The following GPC6 variants were observed in gnomAD, a reference collection of about 807,000 sequenced individuals.
GPC6 encodes glypican 6.
Under a neutral mutation model 55.2 loss-of-function variants are expected in GPC6, and 14 were observed. The observed-to-expected ratio is 0.25, with a 90% CI of 0.17 to 0.40. The LOEUF (loss-of-function observed/expected upper bound fraction) is 0.40, where lower values mean the gene tolerates loss of function less well. Ranked by LOEUF, GPC6 falls within the 10% of genes least tolerant of loss-of-function variation. The probability of loss-of-function intolerance (pLI) is 1.00; values close to 1 mark genes in which losing one functional copy is unlikely to be tolerated. For missense variants in GPC6, 641 were observed against 708.5 expected, an observed-to-expected ratio of 0.90 and a Z score of 1.08; for synonymous variants, 278 against 259.6, an observed-to-expected ratio of 1.07 and a Z score of -0.68.
intron 1 of GPC6, among the ~76,000 whole-genome samples, chr13:93,479,866 C>T (rs1473530236): frequency 6.6e-6 from 1 of 152,104 alleles, no homozygotes; most frequent in Non-Finnish European, 1.5e-5. Context: ...ATTTATTTCT[C>T]ATGGAGAGTG....
At chr13:93,923,948 A>T (rs1384938544) in intron 3 of GPC6, among the ~76,000 whole-genome samples, 1 of 152,140 alleles carries the variant, frequency 6.6e-6, no homozygotes, top group Non-Finnish European at 1.5e-5. Context: ...CTTCAAATCC[A>T]CATCCTTGGA....
In GPC6 at chr13:94,360,908, A is replaced by ACTT. The variant is rs1282233516; in HGVS notation, c.1153-21504_1153-21502dup. ...TGTGCTATGTGATCAAGGCCAAGAG[A>ACTT]CTTCACTCTTCACTGCCTCAGTGTG... On this transcript the variant is annotated intron_variant, in intron 6 of 8. Transcript: ENST00000377047. 2.6e-4 allele frequency among the ~76,000 whole-genome samples: 40 copies of ACTT among 152,278 alleles called. No individual in the cohort carries two copies. The East Asian group carries it at 7.7e-3, about 29-fold the overall frequency.
At chr13:93,451,699 G>C (rs1163307132) in intron 1 of GPC6, among the ~76,000 whole-genome samples, 1 of 152,110 alleles carries the variant, frequency 6.6e-6, no homozygotes. Context: ...CTTACTAAAT[G>C]ATTGTCTCAT....
chr13:94,076,949 C>G (rs1376258350), intron 4 of GPC6, among the ~76,000 whole-genome samples: 5 of 130,240 alleles, frequency 3.8e-5, no homozygotes, highest in African/African-American at 1.2e-4. Flanking sequence ...CAAGATCACT[C>G]TGGTGCTTCT....
intron 1 of GPC6, among the ~76,000 whole-genome samples, chr13:93,446,963 TG>T (rs998269280): frequency 7.2e-5 from 11 of 151,746 alleles, no homozygotes; most frequent in Non-Finnish European, 1.5e-4. Context: ...CTAATTTTTT[TG>T]GGGGGGTGGG....
At chr13:93,512,972 A>G (rs1162519846) in intron 1 of GPC6, among the ~76,000 whole-genome samples, 2 of 152,224 alleles carry the variant, frequency 1.3e-5, no homozygotes, top group African/African-American at 4.8e-5. Context: ...CAAGGTGTCC[A>G]TTTAACTTGA....
chr13:93,700,924 A>C (rs1373163386), intron 2 of GPC6, among the ~76,000 whole-genome samples: 3 of 152,114 alleles, frequency 2.0e-5, no homozygotes, highest in Non-Finnish European at 4.4e-5. Context: ...CAATTACAAC[A>C]CAGGAATATT....
At chr13:93,729,490 T>C (rs1883751876) in intron 2 of GPC6, among the ~76,000 whole-genome samples, 1 of 152,116 alleles carries the variant, frequency 6.6e-6, no homozygotes, top group Admixed American at 6.5e-5. Flanking sequence ...ACCTCAGTAA[T>C]TGCACCACTG....
At position 93,376,379 on chromosome 13, in the gene GPC6, A is replaced by G. The variant is rs184661142; in HGVS notation, c.160+148763A>G. Among the ~76,000 whole-genome samples the G allele has an allele frequency of 3.8e-3, 577 of 152,334 alleles. 12 individuals are homozygous for G. Among genetic ancestry groups the G allele is most frequent in the Admixed American group, 0.036 (555 of 15,298 alleles). On this transcript the variant is annotated intron_variant, in intron 1 of 8. Transcript: ENST00000377047. The stretch of plus-strand genomic sequence containing the variant: ...TACTAGATATCGAAAATTAATTTTA[A>G]AAACACATTCAGCATTGGGTTTTCC...
chr13:94,108,804 T>C (rs1886142374), intron 4 of GPC6, among the ~76,000 whole-genome samples: 1 of 150,858 alleles, frequency 6.6e-6, no homozygotes, highest in Non-Finnish European at 1.5e-5. Context: ...ATGGCAGCAT[T>C]GCACTCCAGC....
intron 3 of GPC6, among the ~76,000 whole-genome samples, chr13:93,933,568 T>A (rs1212710911): frequency 6.6e-6 from 1 of 152,116 alleles, no homozygotes; most frequent in Non-Finnish European, 1.5e-5. Flanking sequence ...ATAGTAATTA[T>A]CATATCAGAC....
chr13:93,815,900 G>A (rs1218229939), intron 2 of GPC6, among the ~76,000 whole-genome samples: 1 of 152,150 alleles, frequency 6.6e-6, no homozygotes, highest in East Asian at 1.9e-4. Context: ...GGCTTGGGGA[G>A]CTGAGCCATC....
intron 3 of GPC6, among the ~76,000 whole-genome samples, chr13:93,856,639 C>T (rs1472206158): frequency 1.3e-5 from 2 of 151,588 alleles, no homozygotes; most frequent in Non-Finnish European, 3.0e-5. Context: ...GATGCCTGAA[C>T]TAATTTTGCA....
chr13:94,243,108 T>G (rs2139028203), intron 4 of GPC6, among the ~76,000 whole-genome samples: 1 of 152,220 alleles, frequency 6.6e-6, no homozygotes, highest in Non-Finnish European at 1.5e-5. Flanking sequence ...AAGCCCTGAC[T>G]TCATCTCTTC....
intron 1 of GPC6, among the ~76,000 whole-genome samples, chr13:93,246,599 C>T (rs959970072): frequency 6.6e-6 from 1 of 151,580 alleles, no homozygotes; most frequent in African/African-American, 2.4e-5. Context: ...TGATTGAGAC[C>T]ATCCTGGCTT....
intron 1 of GPC6, among the ~76,000 whole-genome samples, chr13:93,295,290 CAAAAAAAAA>C (rs67379652): frequency 2.1e-4 from 14 of 66,680 alleles, no homozygotes; most frequent in South Asian, 6.2e-4. Context: ...GACCCTGTCT[CAAAAAAAAA>C]AAAAAAAAAA....
At chr13:94,194,383 A>G (rs1268881796) in intron 4 of GPC6, among the ~76,000 whole-genome samples, 3 of 152,142 alleles carry the variant, frequency 2.0e-5, no homozygotes, top group Non-Finnish European at 4.4e-5. Context: ...ACTCCAATGT[A>G]TGCATATGTG....
At chr13:94,180,044 G>A (rs561461285) in intron 4 of GPC6, among the ~76,000 whole-genome samples, 2 of 152,278 alleles carry the variant, frequency 1.3e-5, no homozygotes, top group East Asian at 1.9e-4. Flanking sequence ...ATTTGGTAGA[G>A]GCACAGGGGG....
chr13:93,870,039 A>G (rs1889082404), intron 3 of GPC6, among the ~76,000 whole-genome samples: 1 of 151,882 alleles, frequency 6.6e-6, no homozygotes, highest in Non-Finnish European at 1.5e-5. Flanking sequence ...GTTTCTCAAG[A>G]TAAAAGTGTT....
Sources: gnomAD v4.1 joint callset for allele counts (sites outside exome capture counted in the v4.1 genomes callset) on GRCh38, gnomAD v4.1.1 for gene constraint, MANE v1.5 for transcripts, NCBI Gene and HGNC (gene_info 2026-07-23, HGNC 2026-07-21) for gene names.